NT5M: variants seen among roughly 807,000 people sequenced by gnomAD.
The protein encoded by NT5M is 5',3'-nucleotidase, mitochondrial.
Under a neutral mutation model 22.2 loss-of-function variants are expected in NT5M, and 22 were observed. That is an observed-to-expected ratio of 0.99 (90% CI 0.71 to 1.41). The LOEUF (loss-of-function observed/expected upper bound fraction) is 1.41. Ranked by LOEUF, NT5M falls within the 40% of genes most tolerant of loss-of-function variation. The pLI, the probability that NT5M is intolerant of heterozygous loss-of-function variation, is 0.00. For missense variants in NT5M, 322 were observed against 314.8 expected (o/e 1.02, Z -0.17); for synonymous variants, 167 against 133.0 (o/e 1.26, Z -1.76).
chr17:17,330,827 C>A (rs2049368820), intron 3 of NT5M, among the ~76,000 whole-genome samples: 1 of 148,224 alleles, frequency 6.7e-6, no homozygotes, highest in Non-Finnish European at 1.5e-5. Context: ...ACTGAAAGCT[C>A]AGCCTCCCGG....
At chr17:17,311,023 C>G (rs1198642443) in intron 2 of NT5M, among the ~76,000 whole-genome samples, 1 of 151,802 alleles carries the variant, frequency 6.6e-6, no homozygotes, top group Non-Finnish European at 1.5e-5. Context: ...CAAAGATTTG[C>G]CCCTGTGTTT....
At chr17:17,323,892 G>T (rs2145376969) in intron 3 of NT5M, among the ~76,000 whole-genome samples, 1 of 152,122 alleles carries the variant, frequency 6.6e-6, no homozygotes, top group East Asian at 2.0e-4. Context: ...TTTTTTTTGA[G>T]ACAGAGTTTT....
intron 3 of NT5M, among the ~76,000 whole-genome samples, chr17:17,333,927 G>A (rs1267023119): frequency 4.0e-5 from 6 of 150,476 alleles, no homozygotes; most frequent in African/African-American, 1.2e-4. Context: ...TCCACCTCCC[G>A]GGTTCATGCC....
At position 17,312,030 on chromosome 17, in the gene NT5M, TC is replaced by T. The variant is rs200788994; in HGVS notation, c.368+5389del. The stretch of plus-strand genomic sequence containing the variant: ...TGGACATTGGCTGCCCAGGCTCACA[TC>T]CTCACTTCCCCAGAATCTCATTCCC... On this transcript the variant is annotated intron_variant, in intron 2 of 4. Transcript: ENST00000389022. Among the ~76,000 whole-genome samples the T allele has an allele frequency of 6.9e-3, 1,055 of 152,320 alleles. 10 individuals carry two copies. The highest frequency in any genetic ancestry group is 0.037 in the Middle Eastern group (11 of 294).
At chr17:17,327,981 G>A (rs917827929) in intron 3 of NT5M, among the ~76,000 whole-genome samples, 3 of 152,214 alleles carry the variant, frequency 2.0e-5, no homozygotes, top group Non-Finnish European at 2.9e-5. Context: ...AGCTGAAGAC[G>A]TCTAGTGAGT....
At chr17:17,319,636 CT>C (rs1416115073) in intron 2 of NT5M, among the ~76,000 whole-genome samples, 1 of 152,060 alleles carries the variant, frequency 6.6e-6, no homozygotes, top group Middle Eastern at 3.2e-3. Flanking sequence ...ACTATACTTT[CT>C]TTTATGTAAC....
At chr17:17,303,984 G>A in intron 1 of NT5M, 167 bp downstream of exon 1, 2 of 1,246,278 alleles carry the variant, frequency 1.6e-6, no homozygotes, top group Non-Finnish European at 2.0e-6. Flanking sequence ...GGGAAGATGC[G>A]GCCCCGCGCT....
At chr17:17,312,436 G>T (rs2145333633) in intron 2 of NT5M, among the ~76,000 whole-genome samples, 1 of 152,204 alleles carries the variant, frequency 6.6e-6, no homozygotes, top group East Asian at 1.9e-4. Context: ...GAGGTCAGGA[G>T]TTCGAGGCCA....
chr17:17,311,680 A>G (rs980294139), intron 2 of NT5M, among the ~76,000 whole-genome samples: 25 of 152,242 alleles, frequency 1.6e-4, no homozygotes, highest in African/African-American at 6.0e-4. Flanking sequence ...AAAATTGTCA[A>G]CTTTTAAAGT....
At chr17:17,306,754 C>T in intron 2 of NT5M, 111 bp downstream of exon 2, 1 of 751,870 alleles carries the variant, frequency 1.3e-6, no homozygotes, top group Non-Finnish European at 2.3e-6. Flanking sequence ...CTCCTTGGCC[C>T]TGCGCAAGGC....
chr17:17,341,531 A>C (rs900467921), intron 3 of NT5M, among the ~76,000 whole-genome samples: 4 of 152,118 alleles, frequency 2.6e-5, no homozygotes, highest in African/African-American at 9.7e-5. Flanking sequence ...TTTCCACTAA[A>C]TCCCCGAAGG....
At chr17:17,326,589 A>G (rs539514735) in intron 3 of NT5M, among the ~76,000 whole-genome samples, 2 of 152,292 alleles carry the variant, frequency 1.3e-5, no homozygotes, top group East Asian at 3.9e-4. Flanking sequence ...CAAACAGCCC[A>G]AGACGCTGAA....
intron 2 of NT5M, among the ~76,000 whole-genome samples, 185 bp from the exon 3 acceptor site, chr17:17,323,000 G>T (rs1476227989): frequency 6.6e-6 from 1 of 152,192 alleles, no homozygotes; most frequent in Non-Finnish European, 1.5e-5. Flanking sequence ...TCATGTGGCT[G>T]CCCAGGGCCA....
intron 3 of NT5M, among the ~76,000 whole-genome samples, chr17:17,326,120 A>G (rs1044572629): frequency 2.0e-5 from 3 of 152,250 alleles, no homozygotes; most frequent in African/African-American, 4.8e-5. Flanking sequence ...ACCGGCGAGT[A>G]CAGTGCTTGC....
intron 3 of NT5M, among the ~76,000 whole-genome samples, chr17:17,331,711 A>G (rs2145404513): frequency 1.3e-5 from 2 of 151,048 alleles, no homozygotes; most frequent in Non-Finnish European, 2.9e-5. Flanking sequence ...TGGTCATAAT[A>G]CCTTTAAAGT....
chr17:17,310,359 C>A (rs2048898434), intron 2 of NT5M, among the ~76,000 whole-genome samples: 2 of 151,990 alleles, frequency 1.3e-5, no homozygotes, highest in Admixed American at 1.3e-4. Flanking sequence ...GCTGGGGCAA[C>A]ATAGTGAGAC....
chr17:17,304,848 C>A (rs1195934960), intron 1 of NT5M, among the ~76,000 whole-genome samples: 2 of 152,096 alleles, frequency 1.3e-5, no homozygotes. Flanking sequence ...TTTCTTCTGA[C>A]ATCAGAAAGA....
chr17:17,330,744 T>TTC lies in NT5M; in HGVS notation c.429+7500_429+7501insCT, dbSNP rs201880281. On this transcript the variant is annotated intron_variant, in intron 3 of 4. Transcript: ENST00000389022. ...TTCTTTGCTTTCTTTCTTTCTTTCT[T>TTC]TTTTTTTTTTTTTTTTGAGACGGAG... Among the ~76,000 whole-genome samples, 227 of 80,610 alleles carry TTC rather than the reference T, an allele frequency of 2.8e-3. 1 individual carries two copies. Among genetic ancestry groups the TTC allele is most frequent in the Admixed American group, 6.7e-3 (65 of 9,642 alleles). The allele number at this position is 80,610 out of a possible 152,430, so 52.9% of individuals were successfully genotyped here. A position where few individuals can be genotyped will look rare whatever the true frequency, so the allele number is the denominator to read the frequency against.
rs1373058534 is a variant in NT5M, at chr17:17,317,050, TTTTTG to T, written c.369-6130_369-6126del. Among the ~76,000 whole-genome samples the T allele has an allele frequency of 4.3e-3, 342 of 78,874 alleles. 1 individual carries two copies. The highest frequency in any genetic ancestry group is 0.013 in the African/African-American group (317 of 25,114). 51.7% of individuals were successfully genotyped at this position (78,874 alleles called of 152,430 possible). ...TTTTTGTTTTTTGTTTTTGTTTTTG[TTTTTG>T]TTTTTTTTTTTTGAGACAGAGTCTC... On this transcript the variant is annotated intron_variant, in intron 2 of 4. Coordinates refer to ENST00000389022, the MANE Select transcript of NT5M (RefSeq NM_020201.4).
Sources: gnomAD v4.1 joint callset for allele counts (sites outside exome capture counted in the v4.1 genomes callset) on GRCh38, gnomAD v4.1.1 for gene constraint, MANE v1.5 for transcripts, NCBI Gene and HGNC (gene_info 2026-07-23, HGNC 2026-07-21) for gene names.